Variants in NKAIN2 observed in about 807,000 individuals in gnomAD.
NKAIN2 encodes the protein sodium/potassium transporting ATPase interacting 2.
Under a neutral mutation model 32.6 loss-of-function variants are expected in NKAIN2, and 14 were observed. That is an observed-to-expected ratio of 0.43 (90% CI 0.28 to 0.67). The LOEUF is 0.67. NKAIN2 is among the 30% of genes least tolerant of loss of function. The pLI is 0.17. For synonymous variants in NKAIN2, 80 were observed against 87.2 expected (o/e 0.92, Z 0.46); for missense variants, 198 against 258.3 (o/e 0.77, Z 1.60).
At chr6:124,429,279 C>T (rs967614220) in intron 3 of NKAIN2, among the ~76,000 whole-genome samples, 2 of 151,952 alleles carry the variant, frequency 1.3e-5, no homozygotes, top group Non-Finnish European at 2.9e-5. Flanking sequence ...AACTCCTGAC[C>T]TCATATGATT....
rs576742942 is a variant in NKAIN2 at position 124,061,988 on chromosome 6, G to A, written c.55-221017G>A. On this transcript the variant is annotated intron_variant, in intron 1 of 6. Coordinates refer to ENST00000368417, the MANE Select transcript of NKAIN2 (RefSeq NM_001040214.3). ...ATGTGTGTTTTAACACAAACGTGGT[G>A]CAGAAACTGAGATATCTTTAGCAAT... Among the ~76,000 whole-genome samples, 7 of 152,228 alleles carry A rather than the reference G, an allele frequency of 4.6e-5. No homozygotes were observed. The South Asian group carries it at 1.2e-3, about 27-fold the overall frequency.
intron 3 of NKAIN2, among the ~76,000 whole-genome samples, chr6:124,555,918 G>A (rs1780457070): frequency 6.6e-6 from 1 of 152,118 alleles, no homozygotes; most frequent in South Asian, 2.1e-4. Flanking sequence ...CACACCTCTA[G>A]TCTTTATCTA....
At chr6:124,149,636 T>A (rs567922362) in intron 1 of NKAIN2, among the ~76,000 whole-genome samples, 1 of 152,318 alleles carries the variant, frequency 6.6e-6, no homozygotes, top group African/African-American at 2.4e-5. Context: ...TCCATTAATA[T>A]CTATATCTAG....
At chr6:124,654,347 A>G (rs1371910564) in intron 3 of NKAIN2, among the ~76,000 whole-genome samples, 1 of 152,146 alleles carries the variant, frequency 6.6e-6, no homozygotes, top group African/African-American at 2.4e-5. Context: ...GCATATAAAT[A>G]AATGTATGAA....
At chr6:124,397,965 T>C (rs1773456746) in intron 3 of NKAIN2, among the ~76,000 whole-genome samples, 1 of 151,938 alleles carries the variant, frequency 6.6e-6, no homozygotes, top group South Asian at 2.1e-4. Context: ...AAAATGAAGA[T>C]ACCCGGGGCC....
chr6:124,000,415 G>C (rs1272487479), intron 1 of NKAIN2, among the ~76,000 whole-genome samples: 4 of 151,820 alleles, frequency 2.6e-5, no homozygotes, highest in Non-Finnish European at 5.9e-5. Context: ...AACTATAAAA[G>C]AAGCCTCAGG....
chr6:124,596,779 A>C (rs940041306), intron 3 of NKAIN2, among the ~76,000 whole-genome samples: 6 of 152,020 alleles, frequency 3.9e-5, no homozygotes, highest in Non-Finnish European at 8.8e-5. Context: ...ATGTATGTAT[A>C]TCTCTATATA....
At chr6:124,525,511 A>T (rs925689333) in intron 3 of NKAIN2, among the ~76,000 whole-genome samples, 1 of 152,122 alleles carries the variant, frequency 6.6e-6, no homozygotes, top group South Asian at 2.1e-4. Context: ...AGTCATAATA[A>T]CTTAGTAAGG....
intron 4 of NKAIN2, among the ~76,000 whole-genome samples, chr6:124,789,855 A>T (rs1412313691): frequency 6.6e-6 from 1 of 152,098 alleles, no homozygotes; most frequent in African/African-American, 2.4e-5. Flanking sequence ...ATATTTTTTA[A>T]AAAGAAAACT....
At chr6:123,822,442 G>A (rs1192724750) in intron 1 of NKAIN2, among the ~76,000 whole-genome samples, 1 of 152,118 alleles carries the variant, frequency 6.6e-6, no homozygotes, top group Non-Finnish European at 1.5e-5. Context: ...TGGAATACAA[G>A]GAAATAAGAA....
At chr6:123,817,381 A>G (rs1773737854) in intron 1 of NKAIN2, among the ~76,000 whole-genome samples, 1 of 152,128 alleles carries the variant, frequency 6.6e-6, no homozygotes, top group Non-Finnish European at 1.5e-5. Flanking sequence ...ATTTTGTCAG[A>G]TTGCAAAATA....
intron 1 of NKAIN2, among the ~76,000 whole-genome samples, chr6:124,192,707 G>GTGGTGT (rs1790079262): frequency 1.4e-5 from 2 of 141,898 alleles, no homozygotes; most frequent in East Asian, 4.2e-4. Context: ...ACTACCAATT[G>GTGGTGT]TGGTGTTGTC....
At chr6:124,040,731 C>T (rs181841395) in intron 1 of NKAIN2, among the ~76,000 whole-genome samples, 225 of 152,048 alleles carry the variant, frequency 1.5e-3, no homozygotes, top group African/African-American at 5.3e-3. Flanking sequence ...GCTCTTCTTG[C>T]ATTCAAATTC....
At chr6:124,254,887 A>G (rs530552441) in intron 1 of NKAIN2, among the ~76,000 whole-genome samples, 2 of 152,322 alleles carry the variant, frequency 1.3e-5, no homozygotes, top group Admixed American at 6.5e-5. Context: ...ACTCTAATGT[A>G]GTCACCTCTA....
intron 5 of NKAIN2, among the ~76,000 whole-genome samples, chr6:124,817,498 T>C (rs1395679474): frequency 6.6e-6 from 1 of 152,136 alleles, no homozygotes; most frequent in Non-Finnish European, 1.5e-5. Flanking sequence ...CCTTGTGGCA[T>C]CATGGCTGTG....
At chr6:123,870,888 A>T in intron 1 of NKAIN2, among the ~76,000 whole-genome samples, 1 of 152,296 alleles carries the variant, frequency 6.6e-6, no homozygotes, top group South Asian at 2.1e-4. Flanking sequence ...TTATATATAT[A>T]GAGTGTATAT....
chr6:123,977,875 A>G (rs899234257), intron 1 of NKAIN2, among the ~76,000 whole-genome samples: 1 of 152,188 alleles, frequency 6.6e-6, no homozygotes, highest in Non-Finnish European at 1.5e-5. Flanking sequence ...GCACGTATTC[A>G]TACAAACCCT....
intron 3 of NKAIN2, among the ~76,000 whole-genome samples, chr6:124,461,217 G>A (rs531946308): frequency 6.6e-6 from 1 of 151,834 alleles, no homozygotes; most frequent in African/African-American, 2.4e-5. Flanking sequence ...GGCTTCGAAT[G>A]TGCTGGAAGT....
intron 1 of NKAIN2, among the ~76,000 whole-genome samples, chr6:124,271,605 A>G (rs150760561): frequency 6.6e-6 from 1 of 152,370 alleles, no homozygotes. Flanking sequence ...TGGTACCAGC[A>G]GAATACGAAG....
Sources: allele counts gnomAD v4.1 joint callset (sites outside exome capture counted in the v4.1 genomes callset), GRCh38; gene constraint gnomAD v4.1.1; transcripts MANE v1.5; gene names NCBI Gene and HGNC (gene_info 2026-07-23, HGNC 2026-07-21).